The following ZNF570 variants were observed in gnomAD, a reference collection of about 807,000 sequenced individuals.
ZNF570 encodes zinc finger protein 570.
In ZNF570, 8 loss-of-function variants were observed where a neutral mutation model predicts 14.2. The ratio of observed to expected loss-of-function variants is 0.56; its 90% CI spans 0.33 to 1.02. The LOEUF (loss-of-function observed/expected upper bound fraction) is 1.02, where lower values mean the gene tolerates loss of function less well. Ranked by LOEUF, ZNF570 falls within the 50% of genes least tolerant of loss-of-function variation. The pLI, the probability that ZNF570 is intolerant of heterozygous loss-of-function variation, is 0.03. For synonymous variants in ZNF570, 202 were observed against 207.6 expected, an observed-to-expected ratio of 0.97 and a Z score of 0.23; for missense variants, 559 against 624.9, an observed-to-expected ratio of 0.89 and a Z score of 1.12.
chr19:37,483,719 GT>G (rs1193802718), intron 4 of ZNF570, among the ~76,000 whole-genome samples, 159 bp from the exon 5 acceptor site: 1 of 152,130 alleles, frequency 6.6e-6, no homozygotes, highest in African/African-American at 2.4e-5. Context: ...TGTATGACCT[GT>G]TTTCAGTTTC....
upstream of ZNF570, among the ~76,000 whole-genome samples, chr19:37,468,472 C>T (rs147130212): frequency 1.9e-3 from 291 of 152,114 alleles, 1 homozygote; most frequent in African/African-American, 6.8e-3. Flanking sequence ...GCAAAGCGCA[C>T]GGATCATTTG....
upstream of ZNF570, chr19:37,467,936 A>G (rs1300000173): frequency 2.0e-6 from 3 of 1,536,048 alleles, no homozygotes; most frequent in Non-Finnish European, 2.6e-6. Context: ...TGTGAGTGTG[A>G]CAGTGTTATT....
chr19:37,469,048 G>A, upstream of ZNF570: 1 of 993,342 alleles, frequency 1.0e-6, no homozygotes, highest in South Asian at 4.6e-5. Flanking sequence ...CGCGCAGAGC[G>A]CTTGTGCCTG....
intron 2 of ZNF570, among the ~76,000 whole-genome samples, chr19:37,471,683 C>G (rs1246169369): frequency 1.3e-5 from 2 of 152,126 alleles, no homozygotes; most frequent in Non-Finnish European, 2.9e-5. Context: ...AAACATCTTA[C>G]AAATGGAGTG....
rs889509486 is a variant in ZNF570 at position 37,485,546 on chromosome 19, C to A, written c.*313C>A. The A allele has an allele frequency of 5.9e-5, 14 of 237,078 alleles. No individual in the cohort carries two copies. The highest frequency in any genetic ancestry group is 2.2e-4 in the South Asian group (2 of 8,926). The allele number at this position is 237,078 out of a possible 1,614,324, so 14.7% of individuals were successfully genotyped here. A position where few individuals can be genotyped will look rare whatever the true frequency, so the allele number is the denominator to read the frequency against. On this transcript the variant is annotated 3_prime_UTR_variant, in exon 5 of 5. Transcript: ENST00000330173. ...AAGCAATTCTCATGCATCAGCCTCCCGAGTAGCTGGGACTATAGACATGCA... is the reference window on the plus strand; with the variant it reads ...AAGCAATTCTCATGCATCAGCCTCCAGAGTAGCTGGGACTATAGACATGCA...
chr19:37,483,789 T>C, intron 4 of ZNF570, 90 bp from the exon 5 acceptor site: 1 of 1,357,084 alleles, frequency 7.4e-7, no homozygotes. Context: ...TGCTATTTAA[T>C]TCACATATTT....
chr19:37,473,059 T>C (rs983923907), intron 2 of ZNF570, among the ~76,000 whole-genome samples: 2 of 151,892 alleles, frequency 1.3e-5, no homozygotes, highest in Admixed American at 6.6e-5. Context: ...TATCTTTCAA[T>C]GGGTTTTGTT....
intron 1 of ZNF570, 85 bp downstream of exon 1, chr19:37,469,642 T>C (rs1481947047): frequency 7.4e-7 from 1 of 1,352,376 alleles, no homozygotes; most frequent in Non-Finnish European, 1.0e-6. Context: ...AATGGCACCG[T>C]GGAATGTGAG....
chr19:37,475,904 G>A lies in ZNF570; in HGVS notation c.57G>A (p.Val19=), dbSNP rs748775069. Residue 19 remains valine (V), a synonymous_variant, in exon 3 of 5, where the codon GTG becomes GTA. Transcript: ENST00000330173. ...MYQELVTFRD[V]AVDFSQEEWD... is the part of the protein sequence containing the mutation. ...AGGAGTTGGTGACCTTCAGAGATGT[G>A]GCTGTAGACTTCTCCCAAGAGGAAT... is the stretch of plus-strand genomic sequence containing the variant. The A allele has an allele frequency of 5.6e-6, 9 of 1,613,362 alleles. No homozygotes were observed. In the East Asian group the frequency reaches 1.8e-4, roughly 32 times the overall value.
At chr19:37,471,238 C>T (rs1168833704) in intron 2 of ZNF570, among the ~76,000 whole-genome samples, 1 of 151,798 alleles carries the variant, frequency 6.6e-6, no homozygotes, top group Non-Finnish European at 1.5e-5. Flanking sequence ...TGGTCTCGAT[C>T]TCCTGACCTC....
chr19:37,474,260 A>G (rs1012168715), intron 2 of ZNF570, among the ~76,000 whole-genome samples: 1 of 152,212 alleles, frequency 6.6e-6, no homozygotes, highest in Non-Finnish European at 1.5e-5. Flanking sequence ...ACTATCAAGA[A>G]TCAGTGGAAA....
At chr19:37,477,047 G>C (rs1007015589) in intron 4 of ZNF570, among the ~76,000 whole-genome samples, 1 of 152,086 alleles carries the variant, frequency 6.6e-6, no homozygotes, top group South Asian at 2.1e-4. Flanking sequence ...AGAAGTGTAG[G>C]CAGCCTTGGG....
Position 37,488,241 on chromosome 19 carries a change from CTA to C in ZNF570, c.*3009_*3010del. ...ATAGAATGCAAACTAAAATGAATAACTAGAGATATTTCTGTCAACATGGGTAA... is the reference window on the plus strand; with the variant it reads ...ATAGAATGCAAACTAAAATGAATAACGAGATATTTCTGTCAACATGGGTAA... On this transcript the variant is annotated 3_prime_UTR_variant, in exon 5 of 5. Coordinates refer to ENST00000330173, the MANE Select transcript of ZNF570 (RefSeq NM_144694.5). 1 of 152,236 alleles carries C rather than the reference CTA, an allele frequency of 6.6e-6. No individual in the cohort carries two copies. 9.4% of individuals were successfully genotyped at this position (152,236 alleles called of 1,614,324 possible). A position where few individuals can be genotyped will look rare whatever the true frequency, so the allele number is the denominator to read the frequency against.
upstream of ZNF570, chr19:37,469,282 C>G: frequency 7.1e-7 from 1 of 1,411,974 alleles, no homozygotes; most frequent in Non-Finnish European, 9.2e-7. Flanking sequence ...CTCCGGACTA[C>G]GTTTCCCAGC....
Position 37,484,997 on chromosome 19 carries a change from C to A in ZNF570, c.1375C>A (p.Gln459Lys). ...TTTTAGCAATGACTCGTCCCTTACT[C>A]AACATCAGCGAGTTCATACTGGAGA... ...KAFSNDSSLT[Q>K]HQRVHTGEKP... The change falls in exon 5 of 5, where the codon CAA becomes AAA. Residue 459 changes from glutamine (Q) to lysine (K), a missense_variant. Transcript: ENST00000330173. 6.2e-7 allele frequency: 1 copy of A among 1,614,090 alleles called. No homozygotes were observed. Among genetic ancestry groups the A allele is most frequent in the Non-Finnish European group, 8.5e-7 (1 of 1,180,006 alleles).
chr19:37,481,603 A>G (rs137935802), intron 4 of ZNF570, among the ~76,000 whole-genome samples: 4 of 152,222 alleles, frequency 2.6e-5, no homozygotes, highest in Admixed American at 2.0e-4. Context: ...TGTATTTTCA[A>G]TGTGATGTAT....
At chr19:37,468,082 T>TG (rs1555845143), upstream of ZNF570, 326 of 659,132 alleles carry the variant, frequency 4.9e-4, 2 homozygotes, top group East Asian at 9.2e-3. Context: ...TTTTTTTTTT[T>TG]TTGTTTGTTT....
chr19:37,468,011 A>C (rs1294095452), upstream of ZNF570: 6 of 1,320,790 alleles, frequency 4.5e-6, no homozygotes, highest in Non-Finnish European at 6.3e-6. Context: ...TTCTAAACAG[A>C]CTTGGCCTTA....
intron 1 of ZNF570, 21 bp downstream of exon 1, chr19:37,469,578 G>C: frequency 1.3e-6 from 2 of 1,534,996 alleles, no homozygotes; most frequent in Non-Finnish European, 1.7e-6. Context: ...TTCAGTGCGA[G>C]GCTGTCACCC....
Sources: allele counts gnomAD v4.1 joint callset (sites outside exome capture counted in the v4.1 genomes callset), GRCh38; gene constraint gnomAD v4.1.1; transcripts MANE v1.5; gene names NCBI Gene and HGNC (gene_info 2026-07-23, HGNC 2026-07-21).